The following ECE1 variants were observed in gnomAD, a reference collection of about 807,000 sequenced individuals.
ECE1 encodes the protein endothelin converting enzyme 1.
In ECE1, 35 loss-of-function variants were observed where a neutral mutation model predicts 98.6. The observed-to-expected ratio is 0.35, with a 90% confidence interval of 0.27 to 0.47. The LOEUF (loss-of-function observed/expected upper bound fraction) is 0.47. Among genes scored for constraint, ECE1 ranks in the 20% least tolerant of loss-of-function variants. ECE1 has a pLI of 1.00. For missense variants in ECE1, 814 were observed against 1,025.3 expected (o/e 0.79, Z 2.81); for synonymous variants, 394 against 407.1 (o/e 0.97, Z 0.39).
chr1:21,257,780 A>C (rs1012653356), intron 6 of ECE1, among the ~76,000 whole-genome samples, 190 bp from the exon 7 acceptor site: 1 of 142,604 alleles, frequency 7.0e-6, no homozygotes, highest in Non-Finnish European at 1.6e-5. Flanking sequence ...CTGCCTGTCC[A>C]CGTGGCCCCC....
chr1:21,309,584 T>A (rs918285003), intron 1 of ECE1, among the ~76,000 whole-genome samples: 1 of 152,098 alleles, frequency 6.6e-6, no homozygotes, highest in Non-Finnish European at 1.5e-5. Flanking sequence ...GCACCTGCCA[T>A]TGTCCCAAGC....
In ECE1 at chr1:21,260,319, G is replaced by A; in HGVS notation, c.567C>T (p.Thr189=). 1 of 1,614,232 alleles carries A rather than the reference G, an allele frequency of 6.2e-7. No homozygotes were observed. Among genetic ancestry groups the A allele is most frequent in the Non-Finnish European group, 8.5e-7 (1 of 1,180,046 alleles). ...QVYYRACMNE[T]RIEELRAKPL... is the part of the protein sequence containing the mutation. ...GTTTGGCCCTGAGCTCCTCGATCCTGGTCTCGTTCATGCACGCACGGTAGT... is the reference window on the plus strand; with the variant it reads ...GTTTGGCCCTGAGCTCCTCGATCCTAGTCTCGTTCATGCACGCACGGTAGT... The change falls in exon 5 of 19, where the codon ACC becomes ACT. Residue 189 remains threonine (T), a synonymous_variant. Coordinates refer to ENST00000374893, the MANE Select transcript of ECE1 (RefSeq NM_001397.3). This position sits in a 1 kb window ranked among gnomAD's most constrained non-coding sequence, Gnocchi z 4.3.
rs895941411 is a variant in ECE1, at chr1:21,278,463, C to T, written c.280+728G>A. Among the ~76,000 whole-genome samples, 18 of 152,204 alleles carry T rather than the reference C, an allele frequency of 1.2e-4. 1 individual carries two copies. Among genetic ancestry groups the T allele is most frequent in the African/African-American group, 4.1e-4 (17 of 41,436 alleles). On this transcript the variant is annotated intron_variant, in intron 3 of 18. Transcript: ENST00000374893. ...GGGCAGCTCTCCTGGGGGTGTAATG[C>T]GCTCTGGAGCGTACTTGGATTACAA...
intron 1 of ECE1, chr1:21,299,680 C>T (rs2103375821): frequency 6.6e-6 from 1 of 152,372 alleles, no homozygotes; most frequent in East Asian, 1.9e-4. Flanking sequence ...CAAGCTACTT[C>T]ACCATCTGAG....
Position 21,235,641 on chromosome 1 carries a change from AGGCAGGGCCTCC to A in ECE1, c.1566+197_1566+208del, listed in dbSNP as rs1455958957. ...CTGCTGATGGATGGTGGCTATGGGG[AGGCAGGGCCTCC>A]AGCTGACCCAGGAGCCAAATTAAGA... On this transcript the variant is annotated intron_variant, in intron 13 of 18. Transcript: ENST00000374893. The surrounding 1 kb of genome is among the most constrained non-coding windows in gnomAD (Gnocchi z 4.2). Among the ~76,000 whole-genome samples, 1 of 152,118 alleles carries A rather than the reference AGGCAGGGCCTCC, an allele frequency of 6.6e-6. No individual in the cohort carries two copies. Among genetic ancestry groups the A allele is most frequent in the Admixed American group, 6.5e-5 (1 of 15,272 alleles).
rs1422757939 is a variant in ECE1 at position 21,327,338 on chromosome 1, T to C, written c.3+18038A>G. 6.6e-6 allele frequency among the ~76,000 whole-genome samples: 1 copy of C among 152,172 alleles called. No homozygotes were observed. Among genetic ancestry groups the C allele is most frequent in the Admixed American group, 6.5e-5 (1 of 15,282 alleles). ...TGCAACCTTTCTGGGCTCTGTTTTC[T>C]CATTTGTCAAAGCGACGGGCTGATC... On this transcript the variant is annotated intron_variant, in intron 1 of 18. Transcript: ENST00000415912. This position sits in a 1 kb window ranked among gnomAD's most constrained non-coding sequence, Gnocchi z 4.6.
At chr1:21,278,544 G>A (rs963254699) in intron 3 of ECE1, among the ~76,000 whole-genome samples, 2 of 152,208 alleles carry the variant, frequency 1.3e-5, no homozygotes, top group African/African-American at 2.4e-5. Context: ...TCCAACTTCC[G>A]CATTGGATTA....
rs2098162405 is a variant in ECE1 at position 21,217,694 on chromosome 1, C to G, written c.*2261G>C. The G allele has an allele frequency of 6.6e-6, 1 of 152,436 alleles. No individual in the cohort carries two copies. The highest frequency in any genetic ancestry group is 6.5e-5 in the Admixed American group (1 of 15,288). 9.4% of individuals were successfully genotyped at this position (152,436 alleles called of 1,614,324 possible). On this transcript the variant is annotated 3_prime_UTR_variant, in exon 19 of 19. Transcript: ENST00000374893. ...AGGGGAGGCAGAGGGGACACCATGGCTGGGAGAAGCCCGCCTCTATGTGGC... is the reference window on the plus strand; with the variant it reads ...AGGGGAGGCAGAGGGGACACCATGGGTGGGAGAAGCCCGCCTCTATGTGGC...
intron 1 of ECE1, among the ~76,000 whole-genome samples, chr1:21,333,051 T>C (rs1248891501): frequency 6.6e-6 from 1 of 152,134 alleles, no homozygotes; most frequent in Non-Finnish European, 1.5e-5. Context: ...ACTTCACAGA[T>C]GGGAAATCCA....
At chr1:21,281,097 G>C (rs1027506682) in intron 2 of ECE1, among the ~76,000 whole-genome samples, 20 of 152,224 alleles carry the variant, frequency 1.3e-4, no homozygotes, top group African/African-American at 4.6e-4. Context: ...GGCTGAGGCA[G>C]GAGAATCGCT....
chr1:21,272,803 C>A lies in ECE1; in HGVS notation c.389G>T (p.Cys130Phe). The change falls in exon 4 of 19, where the codon TGT becomes TTT. Residue 130 changes from cysteine to phenylalanine, a missense_variant. Physicochemically the swap from Cys to Phe is radical, Grantham distance 205. This residue lies in a region of ECE1 where 257 missense variants were observed against 278.9 expected (regional missense o/e 0.92). Coordinates refer to ENST00000374893, the MANE Select transcript of ECE1 (RefSeq NM_001397.3). ...TGGGTTGGCCTTGATCCAGCCCCCA[C>A]AGGCGTAGCTGAAGAAGTCATGGCA... ...DPCHDFFSYA[C>F]GGWIKANPVP... The A allele has an allele frequency of 6.2e-7, 1 of 1,614,278 alleles. No individual in the cohort carries two copies. The highest frequency in any genetic ancestry group is 8.5e-7 in the Non-Finnish European group (1 of 1,180,042).
chr1:21,300,393 A>G (rs1407991712), intron 1 of ECE1, among the ~76,000 whole-genome samples: 1 of 152,026 alleles, frequency 6.6e-6, no homozygotes, highest in Non-Finnish European at 1.5e-5. Context: ...ACAAAATTGC[A>G]TCACACATGT....
At chr1:21,277,827 C>A (rs1440809799) in intron 3 of ECE1, among the ~76,000 whole-genome samples, 1 of 152,176 alleles carries the variant, frequency 6.6e-6, no homozygotes, top group Non-Finnish European at 1.5e-5. Flanking sequence ...CACCTACAAA[C>A]CATTATAGTT....
chr1:21,290,229 C>T lies in ECE1; in HGVS notation c.52-73G>A, dbSNP rs1478705811. 5 of 1,413,406 alleles carry T rather than the reference C, an allele frequency of 3.5e-6. No individual in the cohort carries two copies. Among genetic ancestry groups the T allele is most frequent in the South Asian group, 1.5e-5 (1 of 66,638 alleles). 87.6% of individuals were successfully genotyped at this position (1,413,406 alleles called of 1,614,324 possible). A position where few individuals can be genotyped will look rare whatever the true frequency, so the allele number is the denominator to read the frequency against. ...TCGCGCCCGAATGGGGAAGCGGCCC[C>T]GACCCTGGCGCCGCCGCCGCCGCGC... On this transcript the variant is annotated intron_variant, in intron 1 of 18. Transcript: ENST00000374893. The surrounding 1 kb of genome is among the most constrained non-coding windows in gnomAD (Gnocchi z 7.3).
Position 21,258,598 on chromosome 1 carries a change from G to A in ECE1, c.762+95C>T. ...AACTAGAAGACCGCCGTCCCACCCA[G>A]GGCAAGCCCCTCTCCCACCCCAGGT... On this transcript the variant is annotated intron_variant, in intron 6 of 18. Coordinates refer to ENST00000374893, the MANE Select transcript of ECE1 (RefSeq NM_001397.3). This position sits in a 1 kb window ranked among gnomAD's most constrained non-coding sequence, Gnocchi z 4.2. 4.2e-5 allele frequency: 26 copies of A among 616,618 alleles called. No individual in the cohort carries two copies. The highest frequency in any genetic ancestry group is 5.9e-5 in the Non-Finnish European group (20 of 339,418). The allele number at this position is 616,618 out of a possible 1,614,324, so 38.2% of individuals were successfully genotyped here. A position where few individuals can be genotyped will look rare whatever the true frequency, so the allele number is the denominator to read the frequency against.
At chr1:21,272,995 G>A in intron 3 of ECE1, 84 bp from the exon 4 acceptor site, 5 of 1,485,742 alleles carry the variant, frequency 3.4e-6, no homozygotes, top group Non-Finnish European at 4.7e-6. Flanking sequence ...GGGGCCCAGG[G>A]GCCACATGTC....
intron 18 of ECE1, among the ~76,000 whole-genome samples, chr1:21,221,306 A>C (rs2098167185): frequency 6.6e-6 from 1 of 152,154 alleles, no homozygotes; most frequent in African/African-American, 2.4e-5. Flanking sequence ...AGAAGCTGGG[A>C]CTACAGGCAG....
intron 2 of ECE1, chr1:21,279,704 C>A: frequency 7.4e-7 from 1 of 1,356,946 alleles, no homozygotes; most frequent in Non-Finnish European, 9.5e-7. Context: ...GCTGGGCTCT[C>A]TGCAGAGCCC....
intron 1 of ECE1, among the ~76,000 whole-genome samples, chr1:21,313,269 T>C (rs1232632677): frequency 6.6e-6 from 1 of 152,168 alleles, no homozygotes; most frequent in Admixed American, 6.5e-5. Flanking sequence ...TGACCAGGCA[T>C]ATCTGCTGGA....
Sources: gnomAD v4.1 joint callset for allele counts (sites outside exome capture counted in the v4.1 genomes callset) on GRCh38, gnomAD v4.1.1 for gene constraint, gnomAD v4.1.1 regional missense constraint, Gnocchi (gnomAD v3.1) non-coding constraint, MANE v1.5 for transcripts, NCBI Gene and HGNC (gene_info 2026-07-23, HGNC 2026-07-21) for gene names.